Variants in LSAMP observed in about 807,000 individuals in gnomAD.
LSAMP encodes limbic system-associated membrane protein.
In LSAMP, 7 loss-of-function variants were observed where a neutral mutation model predicts 38.6. The observed-to-expected ratio is 0.18, with a 90% CI of 0.10 to 0.34. The LOEUF is 0.34. Ranked by LOEUF, LSAMP falls within the 10% of genes least tolerant of loss-of-function variation. The pLI is 1.00. For missense variants in LSAMP, 313 were observed against 420.0 expected (o/e 0.75, Z 2.23); for synonymous variants, 154 against 166.8 (o/e 0.92, Z 0.59).
intron 1 of LSAMP, among the ~76,000 whole-genome samples, chr3:116,168,021 C>T (rs1377072654): frequency 1.3e-5 from 2 of 152,210 alleles, no homozygotes; most frequent in Non-Finnish European, 2.9e-5. Context: ...TCTGTCCCAA[C>T]AGACTCAGCA....
intron 3 of LSAMP, among the ~76,000 whole-genome samples, chr3:116,004,666 G>A (rs1156917581): frequency 6.6e-6 from 1 of 151,446 alleles, no homozygotes; most frequent in Non-Finnish European, 1.5e-5. Context: ...ATATATGTAT[G>A]TACTTTTATA....
At chr3:116,153,765 G>T (rs1488659574) in intron 1 of LSAMP, among the ~76,000 whole-genome samples, 2 of 151,978 alleles carry the variant, frequency 1.3e-5, no homozygotes, top group African/African-American at 4.8e-5. Flanking sequence ...AATATCTACA[G>T]TACTTAGCAA....
At chr3:116,042,717 C>T (rs1941202445) in intron 2 of LSAMP, among the ~76,000 whole-genome samples, 1 of 152,256 alleles carries the variant, frequency 6.6e-6, no homozygotes, top group African/African-American at 2.4e-5. Context: ...TGTGAGCCAC[C>T]GTGCCTGGCC....
At chr3:115,955,413 T>G (rs1938424481) in intron 3 of LSAMP, among the ~76,000 whole-genome samples, 2 of 152,336 alleles carry the variant, frequency 1.3e-5, no homozygotes, top group South Asian at 4.1e-4. Flanking sequence ...CCGTGTTCAC[T>G]TCTCATGAAA....
intron 1 of LSAMP, among the ~76,000 whole-genome samples, chr3:116,351,236 T>A (rs2048135202): frequency 6.6e-6 from 1 of 152,040 alleles, no homozygotes; most frequent in Non-Finnish European, 1.5e-5. Context: ...TGCTGTGTCC[T>A]ACATACACTA....
chr3:116,206,918 G>A (rs2046077663), intron 1 of LSAMP, among the ~76,000 whole-genome samples: 3 of 150,524 alleles, frequency 2.0e-5, no homozygotes, highest in African/African-American at 4.9e-5. Flanking sequence ...TGTCTATTAG[G>A]TCTGCTTGGT....
At chr3:116,430,134 C>G (rs1056349721) in intron 1 of LSAMP, among the ~76,000 whole-genome samples, 7 of 152,104 alleles carry the variant, frequency 4.6e-5, no homozygotes, top group African/African-American at 1.7e-4. Flanking sequence ...CCAGATTTGT[C>G]TTGATACTGC....
rs1270860505 is a variant in LSAMP at position 116,271,398 on chromosome 3, A to G, written c.155+173479T>C. Among the ~76,000 whole-genome samples the G allele has an allele frequency of 2.6e-5, 4 of 152,140 alleles. No homozygotes were observed. In the East Asian group the frequency reaches 7.8e-4, roughly 30 times the overall value. Reference sequence around the variant, plus strand: ...ATTTTATGCTTTGTCCACAAAGTAGATTATATTTCTGTGGTGTAAGATGGG... The same window carrying G: ...ATTTTATGCTTTGTCCACAAAGTAGGTTATATTTCTGTGGTGTAAGATGGG... On this transcript the variant is annotated intron_variant, in intron 1 of 6. Transcript: ENST00000490035.
At chr3:116,285,039 G>A (rs2047175031) in intron 1 of LSAMP, among the ~76,000 whole-genome samples, 1 of 152,126 alleles carries the variant, frequency 6.6e-6, no homozygotes, top group Admixed American at 6.5e-5. Context: ...ACAAATAACA[G>A]AAACAACAAA....
At chr3:116,438,584 A>G (rs1466995124) in intron 1 of LSAMP, among the ~76,000 whole-genome samples, 1 of 152,218 alleles carries the variant, frequency 6.6e-6, no homozygotes, top group African/African-American at 2.4e-5. Flanking sequence ...AGCAAATCAC[A>G]TGTTCATATA....
chr3:115,845,662 C>A (rs1366272748), intron 4 of LSAMP, among the ~76,000 whole-genome samples: 1 of 152,214 alleles, frequency 6.6e-6, no homozygotes, highest in Non-Finnish European at 1.5e-5. Flanking sequence ...GGTTGCCATG[C>A]ATGACTGGGG....
At chr3:116,219,763 A>C (rs62269255) in intron 1 of LSAMP, among the ~76,000 whole-genome samples, 14,978 of 152,264 alleles carry the variant, frequency 0.098, 1,084 homozygotes, top group African/African-American at 0.21. Flanking sequence ...ACTAATACAA[A>C]TAACTCAAAA....
At chr3:115,905,294 C>T (rs915168667) in intron 3 of LSAMP, among the ~76,000 whole-genome samples, 1 of 152,018 alleles carries the variant, frequency 6.6e-6, no homozygotes, top group Non-Finnish European at 1.5e-5. Context: ...CCTCTCTCTC[C>T]TAGGTACTTT....
rs1177824047 is a variant in LSAMP at position 115,809,299 on chromosome 3, G to T, written c.*1018C>A. 6.6e-6 allele frequency: 1 copy of T among 152,164 alleles called. No individual in the cohort carries two copies. Among genetic ancestry groups the T allele is most frequent in the Admixed American group, 6.5e-5 (1 of 15,272 alleles). 9.4% of individuals were successfully genotyped at this position (152,164 alleles called of 1,614,324 possible). A position where few individuals can be genotyped will look rare whatever the true frequency, so the allele number is the denominator to read the frequency against. On this transcript the variant is annotated 3_prime_UTR_variant, in exon 7 of 7. Coordinates refer to ENST00000490035, the MANE Select transcript of LSAMP (RefSeq NM_002338.5). The stretch of plus-strand genomic sequence containing the variant: ...ACTCCCCACTCGGTTCTGATGATGG[G>T]ACTAGGAGGAATATGGGGTCCTGCC...
chr3:116,203,347 T>C (rs1576429255), intron 1 of LSAMP, among the ~76,000 whole-genome samples: 1 of 151,738 alleles, frequency 6.6e-6, no homozygotes, highest in Admixed American at 6.6e-5. Context: ...TTAAATGTCT[T>C]TTCTCAATTT....
chr3:116,210,765 C>A (rs775741609), intron 1 of LSAMP, among the ~76,000 whole-genome samples: 12 of 151,832 alleles, frequency 7.9e-5, no homozygotes, highest in Non-Finnish European at 1.8e-4. Flanking sequence ...CAAATATAGG[C>A]CAGAAGTAGA....
At chr3:115,922,859 T>A (rs1036967294) in intron 3 of LSAMP, among the ~76,000 whole-genome samples, 7 of 152,170 alleles carry the variant, frequency 4.6e-5, no homozygotes, top group African/African-American at 1.7e-4. Flanking sequence ...TTCCTCCATC[T>A]GGTGTCTGTT....
chr3:116,281,205 AAAG>A (rs2047122177), intron 1 of LSAMP, among the ~76,000 whole-genome samples: 1 of 152,162 alleles, frequency 6.6e-6, no homozygotes, highest in Admixed American at 6.5e-5. Flanking sequence ...GAAGAGGGGA[AAAG>A]AAGGACATTA....
chr3:116,164,963 T>C (rs779557470), intron 1 of LSAMP, among the ~76,000 whole-genome samples: 2 of 151,892 alleles, frequency 1.3e-5, no homozygotes, highest in Non-Finnish European at 2.9e-5. Flanking sequence ...TATCTGCCTC[T>C]CTGAGCCTGA....
Sources: allele counts gnomAD v4.1 joint callset (sites outside exome capture counted in the v4.1 genomes callset), GRCh38; gene constraint gnomAD v4.1.1; transcripts MANE v1.5; gene names NCBI Gene and HGNC (gene_info 2026-07-23, HGNC 2026-07-21).